The following FBLN7 variants were observed in gnomAD, a reference collection of about 807,000 sequenced individuals.
FBLN7 encodes fibulin-7.
In FBLN7, 31 loss-of-function variants were observed where a neutral mutation model predicts 44.0. The observed-to-expected ratio is 0.70, with a 90% confidence interval of 0.53 to 0.95. FBLN7 has a LOEUF of 0.95. Among genes scored for constraint, FBLN7 ranks in the 40% least tolerant of loss-of-function variants. The probability of loss-of-function intolerance (pLI) is 0.00; values close to 1 mark genes in which losing one functional copy is unlikely to be tolerated. For synonymous variants in FBLN7, 262 were observed against 253.4 expected (o/e 1.03, Z -0.32); for missense variants, 573 against 618.5 (o/e 0.93, Z 0.78).
chr2:112,237,291 A>C, the FBLN7 span, among the ~76,000 whole-genome samples: 20 of 152,334 alleles, frequency 1.3e-4, no homozygotes, highest in Admixed American at 1.2e-3. Context: ...TATAAGTTCT[A>C]AGGCAGATCC....
At chr2:112,238,491 T>C in the FBLN7 span, 2,850 of 1,611,876 alleles carry the variant, frequency 1.8e-3, 44 homozygotes, top group African/African-American at 0.034. Context: ...TGATTTTCTA[T>C]GCAGCGAACT....
At chr2:112,208,798 A>G in the FBLN7 span, among the ~76,000 whole-genome samples, 1 of 152,244 alleles carries the variant, frequency 6.6e-6, no homozygotes, top group Non-Finnish European at 1.5e-5. Flanking sequence ...GAAACAAATC[A>G]TAACTTAAAA....
the FBLN7 span, among the ~76,000 whole-genome samples, chr2:112,197,234 AACACACACACACACACACAC>A: frequency 4.5e-5 from 4 of 89,366 alleles, no homozygotes; most frequent in African/African-American, 9.1e-5. Context: ...CGTAAGAGAA[AACACACACACACACACACAC>A]ACACACACAC....
At chr2:112,221,269 C>A in the FBLN7 span, among the ~76,000 whole-genome samples, 2 of 152,096 alleles carry the variant, frequency 1.3e-5, no homozygotes, top group Admixed American at 6.5e-5. Flanking sequence ...TGGTTTAGCA[C>A]CATCCCCCTT....
the FBLN7 span, among the ~76,000 whole-genome samples, chr2:112,199,878 G>A: frequency 6.6e-6 from 1 of 152,164 alleles, no homozygotes. Context: ...CTCTCCTGCT[G>A]TTGCCCTCTC....
At chr2:112,166,585 C>T (rs1338616541) in intron 3 of FBLN7, among the ~76,000 whole-genome samples, 3 of 151,982 alleles carry the variant, frequency 2.0e-5, no homozygotes, top group African/African-American at 4.8e-5. Flanking sequence ...ATGTAACATG[C>T]GAACAAAACA....
chr2:112,150,099 T>C (rs1342224712), intron 1 of FBLN7, among the ~76,000 whole-genome samples: 1 of 152,200 alleles, frequency 6.6e-6, no homozygotes, highest in Non-Finnish European at 1.5e-5. Context: ...TGCCATCTGG[T>C]TGGCCACTAT....
chr2:112,239,708 C>T, the FBLN7 span, among the ~76,000 whole-genome samples: 1 of 151,738 alleles, frequency 6.6e-6, no homozygotes, highest in Non-Finnish European at 1.5e-5. Flanking sequence ...CCTCAGCCTC[C>T]CGAGTAGCTG....
chr2:112,178,520 G>A (rs541158859), intron 4 of FBLN7, among the ~76,000 whole-genome samples: 8 of 152,114 alleles, frequency 5.3e-5, no homozygotes, highest in Non-Finnish European at 1.2e-4. Flanking sequence ...GAGTCATCTC[G>A]ATACCAAAAC....
chr2:112,208,108 T>C, the FBLN7 span, among the ~76,000 whole-genome samples: 6 of 152,156 alleles, frequency 3.9e-5, no homozygotes, highest in Admixed American at 2.0e-4. Flanking sequence ...CAAAAACACA[T>C]AGTGGACTGG....
chr2:112,215,773 A>T, the FBLN7 span: 1 of 152,220 alleles, frequency 6.6e-6, no homozygotes, highest in Non-Finnish European at 1.5e-5. Flanking sequence ...TGTAACTCAC[A>T]CAAGTGTATA....
At chr2:112,178,597 T>C (rs1340724890) in intron 4 of FBLN7, among the ~76,000 whole-genome samples, 1 of 151,914 alleles carries the variant, frequency 6.6e-6, no homozygotes, top group African/African-American at 2.4e-5. Context: ...GATACAAAAA[T>C]CCTCAACAAA....
intron 1 of FBLN7, among the ~76,000 whole-genome samples, chr2:112,148,229 G>A (rs1490837569): frequency 6.6e-6 from 1 of 152,182 alleles, no homozygotes; most frequent in Non-Finnish European, 1.5e-5. Context: ...TAGAGTCCAG[G>A]TTGAGATGGC....
chr2:112,161,579 T>A (rs1288172528), intron 2 of FBLN7, among the ~76,000 whole-genome samples: 8 of 152,172 alleles, frequency 5.3e-5, no homozygotes, highest in Admixed American at 5.2e-4. Flanking sequence ...AAGCCTTCCT[T>A]GTTTTCATGG....
chr2:112,188,909 T>C (rs1210118568), downstream of FBLN7: 1 of 152,216 alleles, frequency 6.6e-6, no homozygotes, highest in Non-Finnish European at 1.5e-5. Flanking sequence ...ATTAAAACAT[T>C]ATCCACAGCC....
chr2:112,145,578 T>C (rs1680864627), intron 1 of FBLN7, among the ~76,000 whole-genome samples: 1 of 152,200 alleles, frequency 6.6e-6, no homozygotes, highest in Non-Finnish European at 1.5e-5. Flanking sequence ...AGTTTATCAA[T>C]TTTTTATTTT....
At position 112,187,269 on chromosome 2, in the gene FBLN7, T is replaced by TGCCCCC. The variant is rs763176195; in HGVS notation, c.1085_1090dup (p.Ala362_Pro363dup). On this transcript the variant is annotated inframe_insertion, in exon 8 of 8. Transcript: ENST00000331203. This position sits in a 1 kb window ranked among gnomAD's most constrained non-coding sequence, Gnocchi z 5.1. ...CGCTCTTCCGCATGGCCACAGCCTC[T>TGCCCCC]GCCCCCGGCCGAGCTGGGCCCAACA... is the stretch of plus-strand genomic sequence containing the variant. 2 of 1,614,184 alleles carry TGCCCCC rather than the reference T, an allele frequency of 1.2e-6. No homozygotes were observed. The highest frequency in any genetic ancestry group is 2.7e-5 in the African/African-American group (2 of 75,062).
At chr2:112,163,752 A>G (rs1681999074) in intron 2 of FBLN7, among the ~76,000 whole-genome samples, 1 of 148,882 alleles carries the variant, frequency 6.7e-6, no homozygotes, top group Admixed American at 6.7e-5. Flanking sequence ...TCTCACACGG[A>G]GAACAAGTTG....
At chr2:112,238,482 G>T in the FBLN7 span, 1 of 1,612,250 alleles carries the variant, frequency 6.2e-7, no homozygotes, top group South Asian at 1.1e-5. Context: ...CTTACTTCTT[G>T]ATTTTCTATG....
Sources: gnomAD v4.1 joint callset for allele counts (sites outside exome capture counted in the v4.1 genomes callset) on GRCh38, gnomAD v4.1.1 for gene constraint, Gnocchi (gnomAD v3.1) non-coding constraint, MANE v1.5 for transcripts, NCBI Gene and HGNC (gene_info 2026-07-23, HGNC 2026-07-21) for gene names.